Variants in CSNK1G1 observed in about 807,000 individuals in gnomAD.
The protein encoded by CSNK1G1 is casein kinase I isoform gamma-1.
Under a neutral mutation model 59.6 loss-of-function variants are expected in CSNK1G1, and 22 were observed. That is an observed-to-expected ratio of 0.37 (90% CI 0.26 to 0.53). The LOEUF (loss-of-function observed/expected upper bound fraction) is 0.53, where lower values mean the gene tolerates loss of function less well. Ranked by LOEUF, CSNK1G1 falls within the 20% of genes least tolerant of loss-of-function variation. The pLI is 0.89. For missense variants in CSNK1G1, 384 were observed against 519.5 expected (o/e 0.74, Z 2.54); for synonymous variants, 179 against 177.1 (o/e 1.01, Z -0.08).
chr15:64,252,586 C>G (rs746593346), intron 3 of CSNK1G1, among the ~76,000 whole-genome samples: 5 of 152,108 alleles, frequency 3.3e-5, no homozygotes, highest in Non-Finnish European at 5.9e-5. Context: ...CACACCCTCC[C>G]CATAATTTTT....
chr15:64,270,274 G>A (rs1024813130), intron 2 of CSNK1G1, among the ~76,000 whole-genome samples: 1 of 151,016 alleles, frequency 6.6e-6, no homozygotes, highest in African/African-American at 2.4e-5. Context: ...TTGATCTTTT[G>A]AATGGTTTTT....
chr15:64,344,288 A>G (rs1193743225), intron 1 of CSNK1G1, among the ~76,000 whole-genome samples: 1 of 152,214 alleles, frequency 6.6e-6, no homozygotes, highest in Non-Finnish European at 1.5e-5. Flanking sequence ...TGAATTCACC[A>G]GATGCATATT....
intron 4 of CSNK1G1, among the ~76,000 whole-genome samples, chr15:64,221,952 T>C (rs1461155780): frequency 2.0e-5 from 3 of 152,112 alleles, no homozygotes; most frequent in Non-Finnish European, 4.4e-5. Context: ...ATATAAATCA[T>C]TCTACTATAA....
chr15:64,248,480 G>C (rs1021809632), intron 4 of CSNK1G1, among the ~76,000 whole-genome samples: 11 of 152,072 alleles, frequency 7.2e-5, no homozygotes, highest in African/African-American at 2.7e-4. Context: ...CATCACACCA[G>C]GCCTTAAGAT....
At chr15:64,277,612 A>AT (rs1274202000) in intron 2 of CSNK1G1, among the ~76,000 whole-genome samples, 1 of 137,592 alleles carries the variant, frequency 7.3e-6, no homozygotes, top group East Asian at 2.0e-4. Context: ...ATATATTAAT[A>AT]TTGGTATATT....
At chr15:64,260,381 GA>G (rs1892631319) in intron 2 of CSNK1G1, among the ~76,000 whole-genome samples, 1 of 142,316 alleles carries the variant, frequency 7.0e-6, no homozygotes, top group Admixed American at 6.8e-5. Flanking sequence ...GCGTGAAAAA[GA>G]ATATAAAAGG....
Position 64,354,890 on chromosome 15 carries a change from C to T in CSNK1G1, c.-225+1098G>A, listed in dbSNP as rs116614176. 1.6e-3 allele frequency among the ~76,000 whole-genome samples: 248 copies of T among 152,318 alleles called. 2 individuals carry two copies. The highest frequency in any genetic ancestry group is 5.7e-3 in the African/African-American group (239 of 41,576). ...AGATTTATCTGCCTGAAAGTCAATACTTCCACTTGACCGCAATTATCTCCT... is the reference window on the plus strand; with the variant it reads ...AGATTTATCTGCCTGAAAGTCAATATTTCCACTTGACCGCAATTATCTCCT... On this transcript the variant is annotated intron_variant, in intron 1 of 11. Coordinates refer to ENST00000303052, the MANE Select transcript of CSNK1G1 (RefSeq NM_022048.5).
chr15:64,282,605 A>C (rs1894202099), intron 2 of CSNK1G1, among the ~76,000 whole-genome samples: 1 of 152,188 alleles, frequency 6.6e-6, no homozygotes, highest in South Asian at 2.1e-4. Flanking sequence ...ACCTGTTTTC[A>C]AGATTCATCT....
intron 3 of CSNK1G1, among the ~76,000 whole-genome samples, chr15:64,252,717 CT>C (rs1294255986): frequency 1.3e-5 from 2 of 152,130 alleles, no homozygotes; most frequent in African/African-American, 2.4e-5. Context: ...AAATATGTAA[CT>C]TCAATCAATG....
chr15:64,288,296 T>G (rs1894535832), intron 2 of CSNK1G1, among the ~76,000 whole-genome samples: 1 of 152,016 alleles, frequency 6.6e-6, no homozygotes, highest in Admixed American at 6.6e-5. Flanking sequence ...AACCAAAAAA[T>G]ATGACATAAG....
chr15:64,341,350 G>A (rs1044164990), intron 1 of CSNK1G1, among the ~76,000 whole-genome samples: 2 of 152,100 alleles, frequency 1.3e-5, no homozygotes, highest in Admixed American at 6.5e-5. Context: ...ACATTGGCCA[G>A]GATGGTCTCA....
chr15:64,272,656 C>T (rs1422269549), intron 2 of CSNK1G1, among the ~76,000 whole-genome samples: 1 of 152,090 alleles, frequency 6.6e-6, no homozygotes, highest in Non-Finnish European at 1.5e-5. Context: ...TATAGTTTCA[C>T]TAGTTTGTAT....
At chr15:64,267,547 G>C (rs1466556597) in intron 2 of CSNK1G1, among the ~76,000 whole-genome samples, 2 of 152,052 alleles carry the variant, frequency 1.3e-5, no homozygotes, top group African/African-American at 4.8e-5. Flanking sequence ...ATGGCTAGCA[G>C]ATACATGACA....
rs145473091 is a variant in CSNK1G1, at chr15:64,214,157, A to C, written c.445-33T>G. 1 of 1,456,212 alleles carries C rather than the reference A, an allele frequency of 6.9e-7. No individual in the cohort carries two copies. The highest frequency in any genetic ancestry group is 9.6e-7 in the Non-Finnish European group (1 of 1,036,572). The allele number at this position is 1,456,212 out of a possible 1,614,324, so 90.2% of individuals were successfully genotyped here. A position where few individuals can be genotyped will look rare whatever the true frequency, so the allele number is the denominator to read the frequency against. On this transcript the variant is annotated intron_variant, in intron 5 of 11. Transcript: ENST00000303052. The surrounding 1 kb of genome is among the most constrained non-coding windows in gnomAD (Gnocchi z 4.3). ...AGAAACAAATGATAGAAAGACTGTA[A>C]AGAAGTATATCAGGAAAATACATCA...
intron 2 of CSNK1G1, among the ~76,000 whole-genome samples, chr15:64,268,942 G>T (rs917360849): frequency 4.6e-5 from 7 of 152,122 alleles, no homozygotes; most frequent in Admixed American, 1.3e-4. Context: ...AGTGCTCAAG[G>T]AGCCTGCTAT....
intron 1 of CSNK1G1, among the ~76,000 whole-genome samples, chr15:64,347,710 C>CA (rs1898054975): frequency 6.6e-6 from 1 of 151,428 alleles, no homozygotes; most frequent in Non-Finnish European, 1.5e-5. Context: ...TATGAAGCCA[C>CA]AAAAAAACAT....
chr15:64,193,030 G>C (rs116315367), intron 10 of CSNK1G1, among the ~76,000 whole-genome samples: 1,878 of 152,066 alleles, frequency 0.012, 29 homozygotes, highest in African/African-American at 0.044. Flanking sequence ...AGTCTTCTCA[G>C]CCTCATTAAC....
At chr15:64,310,345 A>C (rs2140420381) in intron 1 of CSNK1G1, among the ~76,000 whole-genome samples, 1 of 152,206 alleles carries the variant, frequency 6.6e-6, no homozygotes, top group Admixed American at 6.5e-5. Flanking sequence ...CACCTTTTCC[A>C]ACAGGAAAAG....
At chr15:64,196,344 G>A (rs1171054256) in intron 10 of CSNK1G1, among the ~76,000 whole-genome samples, 3 of 152,026 alleles carry the variant, frequency 2.0e-5, no homozygotes, top group Non-Finnish European at 2.9e-5. Flanking sequence ...AAACCAAACA[G>A]TACTCAATTC....
Sources: allele counts gnomAD v4.1 joint callset (sites outside exome capture counted in the v4.1 genomes callset), GRCh38; gene constraint gnomAD v4.1.1; non-coding constraint Gnocchi (gnomAD v3.1); transcripts MANE v1.5; gene names NCBI Gene and HGNC (gene_info 2026-07-23, HGNC 2026-07-21).